The following PITPNC1 variants were observed in gnomAD, a reference collection of about 807,000 sequenced individuals.
PITPNC1 encodes cytoplasmic phosphatidylinositol transfer protein 1.
PITPNC1 carries 18 observed loss-of-function variants against 44.7 expected under a neutral mutation model. That is an observed-to-expected ratio of 0.40 (90% CI 0.28 to 0.60). The LOEUF (loss-of-function observed/expected upper bound fraction) is 0.60. Ranked by LOEUF, PITPNC1 falls within the 20% of genes least tolerant of loss-of-function variation. The probability of loss-of-function intolerance (pLI) is 0.39; values close to 1 mark genes in which losing one functional copy is unlikely to be tolerated. For missense variants in PITPNC1, 290 were observed against 418.4 expected (o/e 0.69, Z 2.68); for synonymous variants, 141 against 149.6 (o/e 0.94, Z 0.42).
intron 5 of PITPNC1, among the ~76,000 whole-genome samples, chr17:67,631,642 AAAAAAAAAAAAAAAAATAT>A (rs2041970592): frequency 4.3e-5 from 1 of 23,458 alleles, no homozygotes; most frequent in Non-Finnish European, 9.3e-5. Flanking sequence ...AACCAAAAAA[AAAAAAAAAAAAAAAAATAT>A]ATATATATAT....
intron 1 of PITPNC1, among the ~76,000 whole-genome samples, chr17:67,518,839 ATGC>A (rs2040290373): frequency 1.3e-5 from 2 of 152,164 alleles, no homozygotes; most frequent in Admixed American, 6.6e-5. Flanking sequence ...GCTACTCCAG[ATGC>A]TGAAGTGGGA....
At chr17:67,534,280 C>T (rs534395294) in intron 2 of PITPNC1, among the ~76,000 whole-genome samples, 33 of 152,154 alleles carry the variant, frequency 2.2e-4, no homozygotes, top group African/African-American at 3.9e-4. Context: ...CCTATCCAGC[C>T]CATTTCTTCC....
chr17:67,484,603 A>G (rs1353656867), intron 1 of PITPNC1, among the ~76,000 whole-genome samples: 2 of 152,162 alleles, frequency 1.3e-5, no homozygotes, highest in African/African-American at 4.8e-5. Context: ...ACCTGTGAAA[A>G]TATTTATCCA....
intron 5 of PITPNC1, among the ~76,000 whole-genome samples, chr17:67,592,316 A>C: frequency 6.6e-6 from 1 of 152,338 alleles, no homozygotes; most frequent in African/African-American, 2.4e-5. Flanking sequence ...GAACAAATCT[A>C]ACTTTTCTAG....
intron 5 of PITPNC1, among the ~76,000 whole-genome samples, chr17:67,583,948 C>A (rs2041275200): frequency 6.7e-6 from 1 of 149,156 alleles, no homozygotes; most frequent in Non-Finnish European, 1.5e-5. Context: ...ACTGTGTTAG[C>A]CAGGATGGTC....
chr17:67,656,677 T>C (rs1327751681), intron 6 of PITPNC1, among the ~76,000 whole-genome samples: 2 of 152,300 alleles, frequency 1.3e-5, no homozygotes, highest in East Asian at 1.9e-4. Context: ...TCCAGCCTTA[T>C]GACGTTTTAT....
intron 1 of PITPNC1, among the ~76,000 whole-genome samples, chr17:67,414,764 G>C (rs2038561871): frequency 6.6e-6 from 1 of 152,200 alleles, no homozygotes. Flanking sequence ...TCAATGCCAT[G>C]TCAATAGAGA....
chr17:67,585,118 G>GGAA lies in PITPNC1; in HGVS notation c.366+6861_366+6862insGAA, dbSNP rs1430985380. Among the ~76,000 whole-genome samples the GGAA allele has an allele frequency of 2.4e-5, 2 of 82,082 alleles. 1 individual carries two copies. 53.8% of individuals were successfully genotyped at this position (82,082 alleles called of 152,430 possible). On this transcript the variant is annotated intron_variant, in intron 5 of 8. Transcript: ENST00000581322. The stretch of plus-strand genomic sequence containing the variant: ...GCAACAAGAGTGAAACTCCATCTCA[G>GGAA]AAAAAAAAAAAAAAAAAACCAGACA...
chr17:67,495,701 A>G (rs933692522), intron 1 of PITPNC1, among the ~76,000 whole-genome samples: 2 of 152,220 alleles, frequency 1.3e-5, no homozygotes, highest in African/African-American at 4.8e-5. Context: ...ATGTTCTTGC[A>G]AAGGACGTGA....
chr17:67,456,431 TTG>T (rs1175152996), intron 1 of PITPNC1, among the ~76,000 whole-genome samples: 1 of 152,198 alleles, frequency 6.6e-6, no homozygotes, highest in Non-Finnish European at 1.5e-5. Context: ...ATAGCAATTG[TTG>T]ATGTTTTTTG....
intron 5 of PITPNC1, among the ~76,000 whole-genome samples, chr17:67,583,895 GTTTGTGTGTGTGTGTGTT>G (rs1318718511): frequency 1.2e-4 from 17 of 136,860 alleles, no homozygotes; most frequent in African/African-American, 2.8e-4. Flanking sequence ...GTGTGTGTGT[GTTTGTGTGTGTGTGTGTT>G]TGTGTTTAGT....
At chr17:67,495,076 A>C (rs1253409106) in intron 1 of PITPNC1, among the ~76,000 whole-genome samples, 26 of 23,676 alleles carry the variant, frequency 1.1e-3, no homozygotes, top group African/African-American at 3.5e-3. Context: ...TTTTTTTTTG[A>C]GACGGAGTCT....
At chr17:67,451,641 TGTTTTG>T (rs2039177837) in intron 1 of PITPNC1, among the ~76,000 whole-genome samples, 2 of 151,102 alleles carry the variant, frequency 1.3e-5, no homozygotes, top group South Asian at 2.1e-4. Context: ...TTTTTTTTTT[TGTTTTG>T]TTTTTTTTTG....
intron 6 of PITPNC1, among the ~76,000 whole-genome samples, chr17:67,666,524 C>T (rs1478432151): frequency 6.6e-6 from 1 of 152,196 alleles, no homozygotes; most frequent in Non-Finnish European, 1.5e-5. Flanking sequence ...CATCAAAGGC[C>T]TTGTACCTCC....
intron 6 of PITPNC1, among the ~76,000 whole-genome samples, chr17:67,644,882 C>T (rs1418045020): frequency 3.3e-5 from 5 of 152,060 alleles, no homozygotes; most frequent in Non-Finnish European, 7.3e-5. Flanking sequence ...TCAGCATCAC[C>T]CAGGGAGGTT....
chr17:67,545,678 T>G (rs1368117531), intron 2 of PITPNC1, among the ~76,000 whole-genome samples: 4 of 152,196 alleles, frequency 2.6e-5, no homozygotes, highest in Non-Finnish European at 4.4e-5. Context: ...GTTTGAAAGA[T>G]GGCTCCTTAT....
intron 6 of PITPNC1, among the ~76,000 whole-genome samples, chr17:67,642,890 A>C (rs191346045): frequency 6.6e-6 from 1 of 152,262 alleles, no homozygotes; most frequent in African/African-American, 2.4e-5. Flanking sequence ...AAACTGCTGC[A>C]GTAATTGGCA....
intron 5 of PITPNC1, among the ~76,000 whole-genome samples, chr17:67,629,160 T>G (rs2041932566): frequency 6.6e-6 from 1 of 152,090 alleles, no homozygotes; most frequent in Non-Finnish European, 1.5e-5. Context: ...CCTGTAGATT[T>G]TGCCACCAAT....
intron 5 of PITPNC1, among the ~76,000 whole-genome samples, chr17:67,616,827 G>A (rs758114952): frequency 6.6e-6 from 1 of 151,908 alleles, no homozygotes; most frequent in Non-Finnish European, 1.5e-5. Flanking sequence ...TCTCATTTTC[G>A]CCTGGTGCGT....
Sources: gnomAD v4.1 joint callset for allele counts (sites outside exome capture counted in the v4.1 genomes callset) on GRCh38, gnomAD v4.1.1 for gene constraint, MANE v1.5 for transcripts, NCBI Gene and HGNC (gene_info 2026-07-23, HGNC 2026-07-21) for gene names.